The following MPP7 variants were observed in gnomAD, a reference collection of about 807,000 sequenced individuals.
The protein encoded by MPP7 is MAGUK p55 subfamily member 7.
MPP7 carries 60 observed loss-of-function variants against 76.5 expected under a neutral mutation model. The ratio of observed to expected loss-of-function variants is 0.78; its 90% CI spans 0.64 to 0.97. The LOEUF (loss-of-function observed/expected upper bound fraction) is 0.97. MPP7 is among the 50% of genes least tolerant of loss of function. The pLI is 0.00. For missense variants in MPP7, 641 were observed against 694.0 expected, an observed-to-expected ratio of 0.92 and a Z score of 0.86; for synonymous variants, 237 against 244.5, an observed-to-expected ratio of 0.97 and a Z score of 0.29.
chr10:28,249,041 T>C (rs887033915), intron 1 of MPP7, among the ~76,000 whole-genome samples: 2 of 152,176 alleles, frequency 1.3e-5, no homozygotes, highest in Non-Finnish European at 2.9e-5. Context: ...GTGCCTGCCA[T>C]AATAATATGT....
At chr10:28,151,929 T>C (rs569502953) in intron 3 of MPP7, among the ~76,000 whole-genome samples, 10 of 152,302 alleles carry the variant, frequency 6.6e-5, no homozygotes, top group South Asian at 4.1e-4. Context: ...GAAAGATATA[T>C]AACAAATCGC....
chr10:28,113,005 A>T (rs1834551140), intron 11 of MPP7, among the ~76,000 whole-genome samples: 1 of 152,086 alleles, frequency 6.6e-6, no homozygotes, highest in Admixed American at 6.6e-5. Context: ...CCATCCAGAT[A>T]TCTGCCTTAT....
Position 28,081,564 on chromosome 10 carries a change from C to T in MPP7, c.1123+8107G>A, listed in dbSNP as rs529746566. Among the ~76,000 whole-genome samples the T allele has an allele frequency of 4.3e-4, 65 of 152,090 alleles. 1 individual carries two copies. The highest frequency in any genetic ancestry group is 1.4e-3 in the African/African-American group (58 of 41,496). ...AATACTTCTGATCACAGCTCAAAGT[C>T]CTCCATTATTGTATTTTTGCCATGG... On this transcript the variant is annotated intron_variant, in intron 12 of 16. Transcript: ENST00000683449.
At chr10:28,155,607 A>AAAAAAAAAAAG (rs1206521243) in intron 3 of MPP7, among the ~76,000 whole-genome samples, 3 of 150,220 alleles carry the variant, frequency 2.0e-5, no homozygotes, top group African/African-American at 7.5e-5. Flanking sequence ...CCAAAAAAAA[A>AAAAAAAAAAAG]AAGAAAGAAA....
intron 5 of MPP7, among the ~76,000 whole-genome samples, chr10:28,138,588 A>G (rs1350998597): frequency 6.6e-6 from 1 of 152,186 alleles, no homozygotes; most frequent in African/African-American, 2.4e-5. Flanking sequence ...TAATCTTTCA[A>G]TTTTTGACAG....
intron 11 of MPP7, among the ~76,000 whole-genome samples, chr10:28,098,126 T>C (rs1775765835): frequency 6.6e-6 from 1 of 152,122 alleles, no homozygotes; most frequent in Non-Finnish European, 1.5e-5. Flanking sequence ...ATATTATAAC[T>C]ACCTATACTA....
intron 2 of MPP7, among the ~76,000 whole-genome samples, chr10:28,326,181 T>G (rs1834412708): frequency 6.6e-6 from 1 of 152,146 alleles, no homozygotes; most frequent in African/African-American, 2.4e-5. Flanking sequence ...GTTTTTCAGG[T>G]GTGAAAATCT....
In MPP7 at chr10:28,056,540, T is replaced by A; in HGVS notation, c.1491A>T (p.Thr497=). Residue 497 remains threonine (T), a synonymous_variant, in exon 16 of 17, where the codon ACA becomes ACT. Transcript: ENST00000683449. ...KPPSIERLRE[T]RKNAKIISSR... ...TTGAAATAATCTTTGCATTTTTTCT[T>A]GTTTCTCTCAAACGCTCTATTGATG... 1.2e-6 allele frequency: 2 copies of A among 1,612,908 alleles called. No individual in the cohort carries two copies. The highest frequency in any genetic ancestry group is 8.5e-7 in the Non-Finnish European group (1 of 1,179,802).
chr10:28,105,601 A>C (rs1834298238), intron 11 of MPP7, among the ~76,000 whole-genome samples: 1 of 152,146 alleles, frequency 6.6e-6, no homozygotes, highest in Admixed American at 6.5e-5. Context: ...TCCGCCTCCT[A>C]AATTCAAGCA....
At chr10:28,113,046 G>A (rs890604537) in intron 11 of MPP7, among the ~76,000 whole-genome samples, 13 of 152,090 alleles carry the variant, frequency 8.5e-5, no homozygotes, top group African/African-American at 3.1e-4. Flanking sequence ...ACCTCACTAT[G>A]GGACATACGG....
intron 8 of MPP7, among the ~76,000 whole-genome samples, chr10:28,123,699 T>G (rs1459172757): frequency 6.6e-6 from 1 of 152,034 alleles, no homozygotes; most frequent in Non-Finnish European, 1.5e-5. Context: ...CTTAAGCTCC[T>G]GACCTCAGGT....
upstream of MPP7, among the ~76,000 whole-genome samples, chr10:28,303,131 G>A (rs1451817170): frequency 1.3e-5 from 2 of 152,164 alleles, no homozygotes; most frequent in Admixed American, 1.3e-4. Flanking sequence ...ACCGCCCGCG[G>A]GTAAGAGGGG....
At position 28,332,410 on chromosome 10, in the gene MPP7, A is replaced by G. The variant is rs1446645306; in HGVS notation, c.-206+2008T>C. Among the ~76,000 whole-genome samples, 8 of 152,190 alleles carry G rather than the reference A, an allele frequency of 5.3e-5. No individual in the cohort carries two copies. In the East Asian group the frequency reaches 1.5e-3, roughly 29 times the overall value. ...TGAAAGGATATCATTTAAAAATTTCAAAGCATGGGAGTTTTAAAGTTATTA... is the reference window on the plus strand; with the variant it reads ...TGAAAGGATATCATTTAAAAATTTCGAAGCATGGGAGTTTTAAAGTTATTA... On this transcript the variant is annotated intron_variant, in intron 1 of 11. Transcript: ENST00000441595.
At chr10:28,172,832 T>C (rs915933371) in intron 3 of MPP7, among the ~76,000 whole-genome samples, 25 of 152,176 alleles carry the variant, frequency 1.6e-4, no homozygotes, top group Non-Finnish European at 2.9e-4. Context: ...TTTAATATTA[T>C]TTATTGAAAT....
intron 1 of MPP7, among the ~76,000 whole-genome samples, chr10:28,288,142 A>C (rs192098408): frequency 6.7e-6 from 1 of 149,850 alleles, no homozygotes; most frequent in African/African-American, 2.5e-5. Context: ...AACCGCAAAA[A>C]TGTAAACCAC....
At chr10:28,143,052 G>C (rs1835575933) in intron 5 of MPP7, among the ~76,000 whole-genome samples, 1 of 151,974 alleles carries the variant, frequency 6.6e-6, no homozygotes, top group Admixed American at 6.6e-5. Context: ...AGTTAAAATA[G>C]GTAATTTTGT....
intron 2 of MPP7, among the ~76,000 whole-genome samples, chr10:28,323,954 A>C (rs1834389150): frequency 6.6e-6 from 1 of 152,200 alleles, no homozygotes; most frequent in Non-Finnish European, 1.5e-5. Flanking sequence ...CACAATGAAT[A>C]AAACAGAAAA....
At chr10:28,286,229 C>T (rs1373673390) in intron 1 of MPP7, among the ~76,000 whole-genome samples, 1 of 151,694 alleles carries the variant, frequency 6.6e-6, no homozygotes, top group Non-Finnish European at 1.5e-5. Flanking sequence ...GCCTGTGGTC[C>T]CAGCTACTCA....
chr10:28,087,393 TTTTC>T (rs1294339132), intron 12 of MPP7, among the ~76,000 whole-genome samples: 6 of 152,252 alleles, frequency 3.9e-5, no homozygotes, highest in Admixed American at 6.5e-5. Flanking sequence ...ATGCCTTTTT[TTTTC>T]TTTCTTTCTT....
Sources: gnomAD v4.1 joint callset for allele counts (sites outside exome capture counted in the v4.1 genomes callset) on GRCh38, gnomAD v4.1.1 for gene constraint, MANE v1.5 for transcripts, NCBI Gene and HGNC (gene_info 2026-07-23, HGNC 2026-07-21) for gene names.